The following MACROD2 variants were observed in gnomAD, a reference collection of about 807,000 sequenced individuals.
The protein encoded by MACROD2 is mono-ADP ribosylhydrolase 2.
MACROD2 carries 36 observed loss-of-function variants against 70.4 expected under a neutral mutation model. The observed-to-expected ratio is 0.51, with a 90% confidence interval of 0.39 to 0.68. The LOEUF (loss-of-function observed/expected upper bound fraction) is 0.68, where lower values mean the gene tolerates loss of function less well. MACROD2 is among the 30% of genes least tolerant of loss of function. The pLI, the probability that MACROD2 is intolerant of heterozygous loss-of-function variation, is 0.00. For synonymous variants in MACROD2, 172 were observed against 178.8 expected, an observed-to-expected ratio of 0.96 and a Z score of 0.30; for missense variants, 496 against 538.4, an observed-to-expected ratio of 0.92 and a Z score of 0.78.
chr20:14,034,176 A>G (rs2148634221), intron 2 of MACROD2, among the ~76,000 whole-genome samples: 1 of 152,196 alleles, frequency 6.6e-6, no homozygotes, highest in East Asian at 1.9e-4. Flanking sequence ...GGGTTTCACC[A>G]TGTTAGCCAG....
chr20:15,755,670 C>T (rs1176896145), intron 8 of MACROD2, among the ~76,000 whole-genome samples: 1 of 152,102 alleles, frequency 6.6e-6, no homozygotes, highest in Non-Finnish European at 1.5e-5. Flanking sequence ...AACTGGAAGA[C>T]CCTTGAAGGG....
At chr20:15,062,151 T>TGA (rs375862958) in intron 5 of MACROD2, among the ~76,000 whole-genome samples, 3 of 151,944 alleles carry the variant, frequency 2.0e-5, no homozygotes, top group South Asian at 2.1e-4. Flanking sequence ...GCCTTGTGCG[T>TGA]GAGAGAGAGA....
chr20:14,031,614 C>A (rs2053247348), intron 2 of MACROD2, among the ~76,000 whole-genome samples: 1 of 152,118 alleles, frequency 6.6e-6, no homozygotes, highest in African/African-American at 2.4e-5. Flanking sequence ...AGAGGTGACA[C>A]TGCTGTACAT....
intron 3 of MACROD2, among the ~76,000 whole-genome samples, chr20:14,228,172 T>TAG (rs58319730): frequency 1.3e-5 from 2 of 151,032 alleles, no homozygotes; most frequent in African/African-American, 4.9e-5. Context: ...TGTATATATA[T>TAG]AGAGAGAGAG....
intron 5 of MACROD2, among the ~76,000 whole-genome samples, chr20:15,228,701 G>A (rs979412930): frequency 6.6e-6 from 1 of 151,798 alleles, no homozygotes; most frequent in Non-Finnish European, 1.5e-5. Flanking sequence ...TGTTGGCCAG[G>A]ATGGTCTCGA....
intron 5 of MACROD2, among the ~76,000 whole-genome samples, chr20:14,811,894 G>T (rs1228644632): frequency 1.3e-5 from 2 of 152,122 alleles, no homozygotes; most frequent in Non-Finnish European, 2.9e-5. Context: ...TCTTGCGCCA[G>T]TTAGAATGGC....
At chr20:15,917,753 G>A (rs1022504009) in intron 10 of MACROD2, among the ~76,000 whole-genome samples, 12 of 151,764 alleles carry the variant, frequency 7.9e-5, no homozygotes, top group African/African-American at 2.9e-4. Flanking sequence ...ATTTTTACCA[G>A]GGCATTAGTA....
chr20:15,590,887 AAG>A (rs2048668182), intron 8 of MACROD2, among the ~76,000 whole-genome samples: 2 of 151,408 alleles, frequency 1.3e-5, no homozygotes, highest in African/African-American at 4.9e-5. Flanking sequence ...AAAAGAAAGA[AAG>A]AGAGAAAAGA....
At chr20:15,404,852 A>C (rs889085444) in intron 6 of MACROD2, among the ~76,000 whole-genome samples, 1 of 152,220 alleles carries the variant, frequency 6.6e-6, no homozygotes, top group African/African-American at 2.4e-5. Context: ...ATCCACCTCC[A>C]AAAGATAGAA....
At chr20:15,040,556 G>A (rs1254385509) in intron 5 of MACROD2, among the ~76,000 whole-genome samples, 1 of 118,326 alleles carries the variant, frequency 8.5e-6, no homozygotes, top group Admixed American at 8.8e-5. Flanking sequence ...ACAAAGGTGA[G>A]GAGTGTCTTC....
intron 8 of MACROD2, among the ~76,000 whole-genome samples, chr20:15,539,649 G>T (rs368963330): frequency 3.5e-4 from 54 of 152,180 alleles, no homozygotes; most frequent in African/African-American, 1.3e-3. Flanking sequence ...ATTTTAACAA[G>T]AAAAAAATTT....
At chr20:14,029,450 T>G (rs1280964651) in intron 2 of MACROD2, among the ~76,000 whole-genome samples, 1 of 152,188 alleles carries the variant, frequency 6.6e-6, no homozygotes, top group Non-Finnish European at 1.5e-5. Context: ...TTAAAATAAT[T>G]ACAGTTTATC....
At chr20:15,051,020 A>G (rs950510578) in intron 5 of MACROD2, among the ~76,000 whole-genome samples, 19 of 152,216 alleles carry the variant, frequency 1.2e-4, no homozygotes, top group African/African-American at 3.6e-4. Context: ...CATTTTTTTA[A>G]TAAGTCTGAA....
chr20:15,415,535 G>GT (rs1310264752), intron 6 of MACROD2, among the ~76,000 whole-genome samples: 1 of 152,202 alleles, frequency 6.6e-6, no homozygotes, highest in Admixed American at 6.5e-5. Flanking sequence ...CTTGGCTGTA[G>GT]TAAGTTTTAT....
intron 6 of MACROD2, among the ~76,000 whole-genome samples, chr20:15,396,375 A>G (rs2045860457): frequency 6.6e-6 from 1 of 152,228 alleles, no homozygotes; most frequent in Non-Finnish European, 1.5e-5. Context: ...GAGGGGCTAC[A>G]TAACTTGATA....
chr20:15,388,605 T>C (rs2045751530), intron 6 of MACROD2, among the ~76,000 whole-genome samples: 1 of 152,186 alleles, frequency 6.6e-6, no homozygotes, highest in Non-Finnish European at 1.5e-5. Context: ...GGGTGTCCTG[T>C]ACAGTTATTT....
At chr20:14,035,900 T>C (rs972477495) in intron 2 of MACROD2, among the ~76,000 whole-genome samples, 2 of 152,232 alleles carry the variant, frequency 1.3e-5, no homozygotes, top group Non-Finnish European at 2.9e-5. Flanking sequence ...CCCAACACTT[T>C]GGGAGGCCAA....
In MACROD2 at chr20:15,380,160, A is replaced by G. The variant is rs543492282; in HGVS notation, c.541-51245A>G. 4.1e-4 allele frequency among the ~76,000 whole-genome samples: 56 copies of G among 137,626 alleles called. 2 individuals are homozygous for G. In the East Asian group the frequency reaches 4.2e-3, roughly 10 times the overall value. 90.3% of individuals were successfully genotyped at this position (137,626 alleles called of 152,430 possible). On this transcript the variant is annotated intron_variant, in intron 6 of 17. Coordinates refer to ENST00000684519, the MANE Select transcript of MACROD2 (RefSeq NM_001351661.2). The stretch of plus-strand genomic sequence containing the variant: ...TTCTAAATAGCCACCCCCATCTGTC[A>G]TTCTTTATCATACCATCATTTAAAA...
At chr20:15,618,682 T>C (rs1475344841) in intron 8 of MACROD2, among the ~76,000 whole-genome samples, 1 of 152,168 alleles carries the variant, frequency 6.6e-6, no homozygotes, top group Non-Finnish European at 1.5e-5. Flanking sequence ...CTCTAACCCA[T>C]GCCCAAGCCA....
Sources: allele counts gnomAD v4.1 joint callset (sites outside exome capture counted in the v4.1 genomes callset), GRCh38; gene constraint gnomAD v4.1.1; transcripts MANE v1.5; gene names NCBI Gene and HGNC (gene_info 2026-07-23, HGNC 2026-07-21).